SH3KBP1: variants seen among roughly 807,000 people sequenced by gnomAD.
The protein encoded by SH3KBP1 is SH3 domain-containing kinase-binding protein 1.
In SH3KBP1, 8 loss-of-function variants were observed where a neutral mutation model predicts 50.1. The observed-to-expected ratio is 0.16, with a 90% CI of 0.09 to 0.29. The LOEUF is 0.29. SH3KBP1 is among the 10% of genes least tolerant of loss of function. The pLI is 1.00. For missense variants in SH3KBP1, 377 were observed against 535.2 expected (o/e 0.70, Z 2.92); for synonymous variants, 227 against 218.6 (o/e 1.04, Z -0.34).
At chrX:19,785,069 C>A (rs1017295684) in intron 2 of SH3KBP1, among the ~76,000 whole-genome samples, 2 of 110,935 alleles carry the variant, frequency 1.8e-5, no homozygotes, top group Admixed American at 9.6e-5. Context: ...CCACCCAGTG[C>A]CAAGCACAGT....
At chrX:19,732,368 G>A (rs139805365) in intron 3 of SH3KBP1, among the ~76,000 whole-genome samples, 2 of 109,776 alleles carry the variant, frequency 1.8e-5, no homozygotes, top group African/African-American at 6.7e-5. Flanking sequence ...GACCCTTAGC[G>A]CATCCCAAAA....
At position 19,793,054 on chromosome X, in the gene SH3KBP1, T is replaced by G. The variant is rs747670562; in HGVS notation, c.162+43071A>C. On this transcript the variant is annotated intron_variant, in intron 2 of 17. Transcript: ENST00000397821. Reference sequence around the variant, plus strand: ...GCTCACACCTGTAATCTCAGCACTTTGGGAGGCCGAGGTGGGAGGATTACT... The same window carrying G: ...GCTCACACCTGTAATCTCAGCACTTGGGGAGGCCGAGGTGGGAGGATTACT... Among the ~76,000 whole-genome samples, 4 of 110,032 alleles carry G rather than the reference T, an allele frequency of 3.6e-5. No homozygotes were observed. The East Asian group carries it at 1.1e-3, about 31-fold the overall frequency.
chrX:19,542,790 G>C (rs2064964516), intron 15 of SH3KBP1, among the ~76,000 whole-genome samples: 1 of 112,017 alleles, frequency 8.9e-6, no homozygotes, highest in African/African-American at 3.2e-5. Context: ...AAGGTCTAGA[G>C]ACCGCAGAGC....
At chrX:19,558,847 T>C (rs1482578051) in intron 13 of SH3KBP1, among the ~76,000 whole-genome samples, 1 of 112,080 alleles carries the variant, frequency 8.9e-6, no homozygotes, top group Non-Finnish European at 1.9e-5. Context: ...TATTGGGCTT[T>C]TCCCTCAAAC....
chrX:19,712,665 C>G (rs1221279061), intron 3 of SH3KBP1, among the ~76,000 whole-genome samples: 4 of 110,951 alleles, frequency 3.6e-5, no homozygotes, highest in Non-Finnish European at 1.9e-5. Context: ...TATCTCCCCA[C>G]AGTTACAAAA....
At chrX:19,844,962 C>T (rs1320793905) in intron 1 of SH3KBP1, among the ~76,000 whole-genome samples, 4 of 111,090 alleles carry the variant, frequency 3.6e-5, no homozygotes, top group African/African-American at 1.3e-4. Context: ...AGCCTGTAAT[C>T]CCAGCTACTC....
chrX:19,571,807 T>A (rs1490224577), intron 12 of SH3KBP1, among the ~76,000 whole-genome samples: 1 of 109,278 alleles, frequency 9.2e-6, no homozygotes, highest in Admixed American at 9.8e-5. Context: ...ACTCAGGCAG[T>A]GAGTTTAGTG....
intron 2 of SH3KBP1, among the ~76,000 whole-genome samples, chrX:19,803,360 C>T (rs922691763): frequency 9.0e-6 from 1 of 111,524 alleles, no homozygotes; most frequent in African/African-American, 3.3e-5. Context: ...CAGGCACACA[C>T]CACCATGCCT....
chrX:19,566,118 G>A (rs1354608510), intron 13 of SH3KBP1, among the ~76,000 whole-genome samples: 1 of 109,925 alleles, frequency 9.1e-6, no homozygotes, highest in Non-Finnish European at 1.9e-5. Context: ...TCCAGCCTGG[G>A]TGACAGAGCA....
At chrX:19,746,177 T>C in intron 3 of SH3KBP1, 141 bp downstream of exon 3, 1 of 616,042 alleles carries the variant, frequency 1.6e-6, no homozygotes, top group Non-Finnish European at 2.6e-6. Flanking sequence ...AGTATGTATG[T>C]GTGTATCCAA....
rs748332604 is a variant in SH3KBP1 at position 19,645,548 on chromosome X, C to T, written c.727-73G>A. The stretch of plus-strand genomic sequence containing the variant: ...TTAAGCAAAGGAATAAGATCCAGAT[C>T]ATAATGACAAAATGCTCGAAATTGG... On this transcript the variant is annotated intron_variant, in intron 6 of 17. Transcript: ENST00000397821. 1.8e-5 allele frequency: 15 copies of T among 842,606 alleles called. No individual in the cohort carries two copies. In the East Asian group the frequency reaches 4.7e-4, roughly 27 times the overall value. The allele number at this position is 842,606 out of a possible 1,213,427, so 69.4% of individuals were successfully genotyped here.
chrX:19,882,301 T>C (rs2069456787), intron 1 of SH3KBP1, among the ~76,000 whole-genome samples: 1 of 110,392 alleles, frequency 9.1e-6, no homozygotes, highest in Non-Finnish European at 1.9e-5. Flanking sequence ...TGTGTGAATA[T>C]TAGGTTACAA....
intron 1 of SH3KBP1, among the ~76,000 whole-genome samples, chrX:19,839,702 T>C (rs927015928): frequency 8.9e-5 from 10 of 112,388 alleles, no homozygotes; most frequent in African/African-American, 3.2e-4. Context: ...TGCCTCCACA[T>C]CACCTTCCAA....
intron 1 of SH3KBP1, among the ~76,000 whole-genome samples, chrX:19,861,680 T>A (rs1168062278): frequency 9.0e-6 from 1 of 111,144 alleles, no homozygotes; most frequent in Non-Finnish European, 1.9e-5. Context: ...AGATTTTTTT[T>A]AAAGATTAGG....
intron 1 of SH3KBP1, among the ~76,000 whole-genome samples, chrX:19,863,106 A>G (rs892109198): frequency 8.9e-6 from 1 of 112,525 alleles, no homozygotes; most frequent in African/African-American, 3.2e-5. Context: ...GCACTGGAAT[A>G]CAGTGGCATC....
chrX:19,887,179 G>C, intron 1 of SH3KBP1, 128 bp downstream of exon 1: 1 of 531,926 alleles, frequency 1.9e-6, no homozygotes, highest in Non-Finnish European at 2.6e-6. Context: ...GCAGGCGAGG[G>C]CGCCCACCGC....
At chrX:19,792,497 A>T (rs1055907122) in intron 2 of SH3KBP1, among the ~76,000 whole-genome samples, 1 of 111,084 alleles carries the variant, frequency 9.0e-6, no homozygotes, top group African/African-American at 3.3e-5. Context: ...CCTTTGGCAG[A>T]CACAATGCTC....
intron 2 of SH3KBP1, among the ~76,000 whole-genome samples, chrX:19,756,120 C>T (rs1384440102): frequency 1.8e-5 from 2 of 111,124 alleles, no homozygotes; most frequent in African/African-American, 6.6e-5. Flanking sequence ...ATGAAAATTA[C>T]AGTGGTATTC....
chrX:19,584,161 TTA>T (rs1162004760), intron 12 of SH3KBP1, among the ~76,000 whole-genome samples: 2 of 93,782 alleles, frequency 2.1e-5, no homozygotes, highest in Admixed American at 1.4e-4. Flanking sequence ...TATAATATAT[TTA>T]TATATATTTA....
Sources: gnomAD v4.1 joint callset for allele counts (sites outside exome capture counted in the v4.1 genomes callset) on GRCh38, gnomAD v4.1.1 for gene constraint, MANE v1.5 for transcripts, NCBI Gene and HGNC (gene_info 2026-07-23, HGNC 2026-07-21) for gene names.